Variants in CAMK2D observed in about 807,000 individuals in gnomAD.
CAMK2D encodes calcium/calmodulin-dependent protein kinase type II subunit delta.
Under a neutral mutation model 84.0 loss-of-function variants are expected in CAMK2D, and 37 were observed. That is an observed-to-expected ratio of 0.44 (90% CI 0.34 to 0.58). The LOEUF (loss-of-function observed/expected upper bound fraction) is 0.58. Ranked by LOEUF, CAMK2D falls within the 20% of genes least tolerant of loss-of-function variation. CAMK2D has a pLI of 0.02. For missense variants in CAMK2D, 448 were observed against 652.5 expected, an observed-to-expected ratio of 0.69 and a Z score of 3.41; for synonymous variants, 202 against 212.5, an observed-to-expected ratio of 0.95 and a Z score of 0.43.
chr4:113,574,288 T>C (rs937179402), intron 4 of CAMK2D, among the ~76,000 whole-genome samples: 1 of 152,212 alleles, frequency 6.6e-6, no homozygotes, highest in Non-Finnish European at 1.5e-5. Context: ...ACCTCTCCTT[T>C]CTACAAATAT....
chr4:113,742,280 A>C (rs1325295578), intron 2 of CAMK2D, among the ~76,000 whole-genome samples: 1 of 152,232 alleles, frequency 6.6e-6, no homozygotes, highest in Non-Finnish European at 1.5e-5. Context: ...CAGCATAAAA[A>C]ATATCAAACT....
chr4:113,718,495 C>T (rs1342275940), intron 2 of CAMK2D, among the ~76,000 whole-genome samples: 1 of 152,136 alleles, frequency 6.6e-6, no homozygotes, highest in African/African-American at 2.4e-5. Flanking sequence ...TTAGGTTTTA[C>T]AATAGTGATG....
At chr4:113,620,636 TAGC>T (rs2099041897) in intron 3 of CAMK2D, among the ~76,000 whole-genome samples, 1 of 151,790 alleles carries the variant, frequency 6.6e-6, no homozygotes, top group Non-Finnish European at 1.5e-5. Flanking sequence ...GCCTCCTGAG[TAGC>T]TGGGACTACA....
At chr4:113,737,841 C>A (rs1313897417) in intron 2 of CAMK2D, among the ~76,000 whole-genome samples, 1 of 152,002 alleles carries the variant, frequency 6.6e-6, no homozygotes, top group African/African-American at 2.4e-5. Context: ...CAAAACAAAA[C>A]ATCAAGCTCT....
intron 4 of CAMK2D, among the ~76,000 whole-genome samples, chr4:113,601,683 CTTTTTTTTTTTTTT>C (rs755850795): frequency 4.4e-5 from 2 of 45,818 alleles, no homozygotes; most frequent in Non-Finnish European, 7.8e-5. Flanking sequence ...ACTGTTTATT[CTTTTTTTTTTTTTT>C]TTTTTTTTTT....
intron 3 of CAMK2D, among the ~76,000 whole-genome samples, chr4:113,641,843 C>T (rs573467577): frequency 6.6e-6 from 1 of 151,852 alleles, no homozygotes; most frequent in South Asian, 2.1e-4. Context: ...CCCCGTGTCT[C>T]TACCAAAAAT....
intron 4 of CAMK2D, among the ~76,000 whole-genome samples, chr4:113,561,333 A>ACATGCCTGGG: frequency 6.6e-6 from 1 of 152,208 alleles, no homozygotes; most frequent in South Asian, 2.1e-4. Context: ...AATTAGCTGG[A>ACATGCCTGGG]CATGCCTGGG....
At chr4:113,530,636 T>C (rs1425500861) in intron 8 of CAMK2D, among the ~76,000 whole-genome samples, 1 of 152,210 alleles carries the variant, frequency 6.6e-6, no homozygotes, top group African/African-American at 2.4e-5. Flanking sequence ...ATTAATGCTC[T>C]TATAAAAGAG....
At chr4:113,545,592 G>C (rs996677835) in intron 6 of CAMK2D, among the ~76,000 whole-genome samples, 1 of 152,072 alleles carries the variant, frequency 6.6e-6, no homozygotes, top group African/African-American at 2.4e-5. Flanking sequence ...CAAAGGCAGG[G>C]ATTTGGCACG....
intron 14 of CAMK2D, 145 bp downstream of exon 14, chr4:113,504,831 C>CAAAAAAAAAAAA (rs35574643): frequency 4.4e-6 from 1 of 228,208 alleles, no homozygotes; most frequent in Non-Finnish European, 7.3e-6. Context: ...TCATAGAAAG[C>CAAAAAAAAAAAA]AAAAAAAAAA....
intron 16 of CAMK2D, among the ~76,000 whole-genome samples, chr4:113,478,234 C>T (rs922749791): frequency 1.3e-5 from 2 of 152,128 alleles, no homozygotes; most frequent in Non-Finnish European, 2.9e-5. Flanking sequence ...ACAGCACTTA[C>T]CGAAGTGAGG....
At chr4:113,565,687 A>T (rs1325621769) in intron 4 of CAMK2D, among the ~76,000 whole-genome samples, 1 of 151,800 alleles carries the variant, frequency 6.6e-6, no homozygotes, top group Non-Finnish European at 1.5e-5. Flanking sequence ...AAAAAAAACG[A>T]ATAATTGAAC....
At chr4:113,565,780 C>G (rs937369755) in intron 4 of CAMK2D, among the ~76,000 whole-genome samples, 2 of 151,858 alleles carry the variant, frequency 1.3e-5, no homozygotes, top group Non-Finnish European at 2.9e-5. Context: ...GTTTAAATCA[C>G]TTTTGGGAAT....
intron 8 of CAMK2D, among the ~76,000 whole-genome samples, chr4:113,529,233 C>T (rs908019569): frequency 6.6e-6 from 1 of 152,146 alleles, no homozygotes; most frequent in Non-Finnish European, 1.5e-5. Context: ...ATGGAGGTAA[C>T]TCTGAAAGCC....
At chr4:113,619,484 C>A (rs111565477) in intron 3 of CAMK2D, among the ~76,000 whole-genome samples, 1 of 152,082 alleles carries the variant, frequency 6.6e-6, no homozygotes, top group East Asian at 1.9e-4. Context: ...TCCCTCGCTC[C>A]ACCCTCATTA....
chr4:113,492,213 A>C (rs1437912199), intron 16 of CAMK2D, among the ~76,000 whole-genome samples: 3 of 151,732 alleles, frequency 2.0e-5, no homozygotes, highest in Non-Finnish European at 2.9e-5. Context: ...TTGCTTTTCT[A>C]GTTCTTTTAA....
At chr4:113,716,163 G>A (rs2099512777) in intron 2 of CAMK2D, among the ~76,000 whole-genome samples, 1 of 152,126 alleles carries the variant, frequency 6.6e-6, no homozygotes, top group Non-Finnish European at 1.5e-5. Context: ...TGCTGTACTA[G>A]TTAAATTTAG....
At chr4:113,501,108 T>C (rs967920405) in intron 15 of CAMK2D, among the ~76,000 whole-genome samples, 4 of 152,092 alleles carry the variant, frequency 2.6e-5, no homozygotes, top group African/African-American at 9.7e-5. Context: ...AATGGAATTA[T>C]AATGAATAAT....
At chr4:113,665,059 C>T (rs1312870044) in intron 2 of CAMK2D, among the ~76,000 whole-genome samples, 1 of 152,198 alleles carries the variant, frequency 6.6e-6, no homozygotes, top group Non-Finnish European at 1.5e-5. Context: ...CCTCCTCAGC[C>T]TCCCAAAGTG....
Sources: allele counts gnomAD v4.1 joint callset (sites outside exome capture counted in the v4.1 genomes callset), GRCh38; gene constraint gnomAD v4.1.1; transcripts MANE v1.5; gene names NCBI Gene and HGNC (gene_info 2026-07-23, HGNC 2026-07-21).